Variants in TFDP1 observed in about 807,000 individuals in gnomAD.
TFDP1 encodes transcription factor Dp-1.
In TFDP1, 6 loss-of-function variants were observed where a neutral mutation model predicts 48.0. The ratio of observed to expected loss-of-function variants is 0.13; its 90% CI spans 0.07 to 0.25. The LOEUF is 0.25. Ranked by LOEUF, TFDP1 falls within the 10% of genes least tolerant of loss-of-function variation. The pLI is 1.00. For synonymous variants in TFDP1, 201 were observed against 211.6 expected (o/e 0.95, Z 0.44); for missense variants, 335 against 543.0 (o/e 0.62, Z 3.81).
At chr13:113,600,706 T>C (rs1475305548) in intron 2 of TFDP1, among the ~76,000 whole-genome samples, 1 of 137,508 alleles carries the variant, frequency 7.3e-6, no homozygotes, top group African/African-American at 2.7e-5. Flanking sequence ...AGAGAATCCT[T>C]GCATGTAGGG....
intron 2 of TFDP1, 194 bp downstream of exon 2, chr13:113,586,043 A>T (rs1379386742): frequency 1.8e-6 from 1 of 553,084 alleles, no homozygotes; most frequent in African/African-American, 1.9e-5. Flanking sequence ...ACCACCCACA[A>T]GTTGTGGCCT....
intron 2 of TFDP1, among the ~76,000 whole-genome samples, chr13:113,594,932 G>A (rs2048249861): frequency 6.6e-6 from 1 of 152,228 alleles, no homozygotes; most frequent in South Asian, 2.1e-4. Flanking sequence ...TGAATTGTTA[G>A]GGTTTCATAG....
At chr13:113,603,678 C>T (rs1024365617) in intron 2 of TFDP1, among the ~76,000 whole-genome samples, 4 of 152,178 alleles carry the variant, frequency 2.6e-5, no homozygotes, top group African/African-American at 4.8e-5. Flanking sequence ...CTACTGTTAT[C>T]TCCATGAAGT....
At position 113,640,628 on chromosome 13, in the gene TFDP1, T is replaced by C. The variant is rs1414758353; in HGVS notation, c.*361T>C. 3.6e-6 allele frequency: 1 copy of C among 276,280 alleles called. No individual in the cohort carries two copies. Among genetic ancestry groups the C allele is most frequent in the Non-Finnish European group, 6.9e-6 (1 of 145,744 alleles). 17.1% of individuals were successfully genotyped at this position (276,280 alleles called of 1,614,324 possible). ...TCCATGAAAATAAAACACCTCCTGT[T>C]GTGGATGGTGAGCCCCTGATGCCGC... On this transcript the variant is annotated 3_prime_UTR_variant, in exon 12 of 12. Coordinates refer to ENST00000375370, the MANE Select transcript of TFDP1 (RefSeq NM_007111.5).
intron 3 of TFDP1, among the ~76,000 whole-genome samples, chr13:113,614,408 C>G (rs1056906318): frequency 2.6e-5 from 4 of 152,158 alleles, no homozygotes; most frequent in African/African-American, 9.7e-5. Flanking sequence ...GTTGCAGCTG[C>G]TTTTTGAGTT....
intron 3 of TFDP1, among the ~76,000 whole-genome samples, chr13:113,620,010 G>T (rs1016587071): frequency 1.3e-5 from 2 of 152,214 alleles, no homozygotes; most frequent in Non-Finnish European, 2.9e-5. Context: ...CCAGAGGAGG[G>T]ACCCTCTTCC....
intron 8 of TFDP1, among the ~76,000 whole-genome samples, chr13:113,635,531 C>G (rs1237501897): frequency 6.6e-6 from 1 of 152,194 alleles, no homozygotes; most frequent in African/African-American, 2.4e-5. Flanking sequence ...GGCCTATTCC[C>G]CCAGAGGAGC....
At position 113,623,398 on chromosome 13, in the gene TFDP1, G is replaced by C. The variant is rs764188821; in HGVS notation, c.186+112G>C. On this transcript the variant is annotated intron_variant, in intron 4 of 11. Transcript: ENST00000375370. This position sits in a 1 kb window ranked among gnomAD's most constrained non-coding sequence, Gnocchi z 5.2. The stretch of plus-strand genomic sequence containing the variant: ...TGCCTGGATTTGGGCTCCAGTTGCA[G>C]CATGGGGCCTTTCCCTCATCAGGGA... 1.0e-6 allele frequency: 1 copy of C among 980,474 alleles called. No individual in the cohort carries two copies. The highest frequency in any genetic ancestry group is 1.5e-6 in the Non-Finnish European group (1 of 657,726). The allele number at this position is 980,474 out of a possible 1,614,324, so 60.7% of individuals were successfully genotyped here.
chr13:113,618,149 C>A (rs113709558), intron 3 of TFDP1, among the ~76,000 whole-genome samples: 1 of 152,202 alleles, frequency 6.6e-6, no homozygotes, highest in African/African-American at 2.4e-5. Flanking sequence ...AGCCCTCCTC[C>A]CTCCCATGCA....
chr13:113,609,710 G>T lies in TFDP1; in HGVS notation c.13-1286G>T, dbSNP rs149208194. On this transcript the variant is annotated intron_variant, in intron 2 of 11. Transcript: ENST00000375370. ...GTTACCTGGGTGGCACCAGGGGGTT[G>T]TGGCGTCTCCTTGTTCCCATGGTGT... is the stretch of plus-strand genomic sequence containing the variant. Among the ~76,000 whole-genome samples, 126 of 152,104 alleles carry T rather than the reference G, an allele frequency of 8.3e-4. 1 individual carries two copies. Among genetic ancestry groups the T allele is most frequent in the Middle Eastern group, 3.4e-3 (1 of 294 alleles).
intron 2 of TFDP1, among the ~76,000 whole-genome samples, chr13:113,605,654 A>G (rs2048545289): frequency 6.6e-6 from 1 of 152,268 alleles, no homozygotes; most frequent in African/African-American, 2.4e-5. Flanking sequence ...CCTCAGCACC[A>G]GGACCACCTC....
At chr13:113,618,795 G>A (rs934860487) in intron 3 of TFDP1, among the ~76,000 whole-genome samples, 8 of 152,224 alleles carry the variant, frequency 5.3e-5, no homozygotes, top group Admixed American at 3.9e-4. Flanking sequence ...TAATGGCATA[G>A]CATAACAGCA....
chr13:113,585,627 T>G, intron 1 of TFDP1, 147 bp from the exon 2 acceptor site: 1 of 473,148 alleles, frequency 2.1e-6, no homozygotes, highest in Non-Finnish European at 3.8e-6. Flanking sequence ...AGTGTGGGAG[T>G]CGGTTTGGCC....
At chr13:113,604,718 C>T (rs1386643840) in intron 2 of TFDP1, among the ~76,000 whole-genome samples, 1 of 152,190 alleles carries the variant, frequency 6.6e-6, no homozygotes, top group African/African-American at 2.4e-5. Context: ...CTGGCAGGAC[C>T]CCTGGTAGTT....
In TFDP1 at chr13:113,633,715, G is replaced by A. The variant is rs142793656; in HGVS notation, c.475-175G>A. ...TCCTTCTGGAACACACTCAGGCTTC[G>A]CACAGCCCCGTCTTGCCCTGCGTCA... On this transcript the variant is annotated intron_variant, in intron 6 of 11. Transcript: ENST00000375370. This position sits in a 1 kb window ranked among gnomAD's most constrained non-coding sequence, Gnocchi z 4.5. Among the ~76,000 whole-genome samples the A allele has an allele frequency of 3.8e-3, 575 of 152,160 alleles. 3 individuals are homozygous for A. The highest frequency in any genetic ancestry group is 0.013 in the African/African-American group (539 of 41,522).
chr13:113,587,451 C>G (rs138903455), intron 2 of TFDP1, among the ~76,000 whole-genome samples: 2,179 of 148,254 alleles, frequency 0.015, 34 homozygotes, highest in Middle Eastern at 0.029. Context: ...AGGTTGTGAA[C>G]AAGTCAAGGA....
chr13:113,591,981 C>T (rs532964057), intron 2 of TFDP1, among the ~76,000 whole-genome samples: 1 of 152,338 alleles, frequency 6.6e-6, no homozygotes, highest in South Asian at 2.1e-4. Flanking sequence ...TCCCGACTGG[C>T]TGAGATTCCC....
chr13:113,615,485 A>G (rs1289261915), intron 3 of TFDP1, among the ~76,000 whole-genome samples: 2 of 152,138 alleles, frequency 1.3e-5, no homozygotes, highest in African/African-American at 4.8e-5. Context: ...CCTCGTCCTC[A>G]GGGAGGCCAT....
chr13:113,609,280 C>T (rs11842365), intron 2 of TFDP1, among the ~76,000 whole-genome samples: 2,691 of 152,304 alleles, frequency 0.018, 75 homozygotes, highest in African/African-American at 0.061. Flanking sequence ...ATGCAGCCCC[C>T]CTGCACATCC....
Sources: allele counts gnomAD v4.1 joint callset (sites outside exome capture counted in the v4.1 genomes callset), GRCh38; gene constraint gnomAD v4.1.1; non-coding constraint Gnocchi (gnomAD v3.1); transcripts MANE v1.5; gene names NCBI Gene and HGNC (gene_info 2026-07-23, HGNC 2026-07-21).